PRKG1: variants seen among roughly 807,000 people sequenced by gnomAD.
PRKG1 encodes the protein protein kinase cGMP-dependent 1, also known as cGMP-dependent protein kinase 1.
Under a neutral mutation model 88.1 loss-of-function variants are expected in PRKG1, and 35 were observed. The observed-to-expected ratio is 0.40, with a 90% CI of 0.30 to 0.53. PRKG1 has a LOEUF of 0.53. PRKG1 is among the 20% of genes least tolerant of loss of function. The pLI, the probability that PRKG1 is intolerant of heterozygous loss-of-function variation, is 0.59. For synonymous variants in PRKG1, 303 were observed against 292.5 expected, an observed-to-expected ratio of 1.04 and a Z score of -0.37; for missense variants, 540 against 839.8, an observed-to-expected ratio of 0.64 and a Z score of 4.41.
intron 7 of PRKG1, among the ~76,000 whole-genome samples, chr10:52,076,063 A>G (rs1171776757): frequency 6.6e-6 from 1 of 152,236 alleles, no homozygotes; most frequent in East Asian, 1.9e-4. Context: ...ATTTTCCACA[A>G]ATGATGTTGA....
chr10:51,556,975 C>T (rs1456903838), intron 3 of PRKG1, among the ~76,000 whole-genome samples: 1 of 151,952 alleles, frequency 6.6e-6, no homozygotes, highest in Admixed American at 6.6e-5. Flanking sequence ...TGTTTTCTTT[C>T]TATGTGTCTA....
At position 52,297,427 on chromosome 10, in the gene PRKG1, C is replaced by T. The variant is rs1459965147; in HGVS notation, c.*3527C>T. On this transcript the variant is annotated 3_prime_UTR_variant, in exon 18 of 18. Transcript: ENST00000373980. The stretch of plus-strand genomic sequence containing the variant: ...TGCTGCATGACAAAGACAAACACAC[C>T]TCAAAATGTTGTCCTTTCTTAGCTT... 2 of 152,004 alleles carry T rather than the reference C, an allele frequency of 1.3e-5. No homozygotes were observed. Among genetic ancestry groups the T allele is most frequent in the Non-Finnish European group, 2.9e-5 (2 of 67,972 alleles). The allele number at this position is 152,004 out of a possible 1,614,324, so 9.4% of individuals were successfully genotyped here.
chr10:51,688,565 C>CTTTT (rs35034840), intron 3 of PRKG1, among the ~76,000 whole-genome samples: 31 of 123,692 alleles, frequency 2.5e-4, no homozygotes, highest in Admixed American at 1.3e-3. Context: ...AGTAACAATC[C>CTTTT]TTTTTTTTTT....
At chr10:51,968,226 G>A (rs1177781275) in intron 5 of PRKG1, among the ~76,000 whole-genome samples, 1 of 152,090 alleles carries the variant, frequency 6.6e-6, no homozygotes, top group Non-Finnish European at 1.5e-5. Context: ...AGATGGACAG[G>A]CACTGCTCTA....
At chr10:51,187,998 T>G (rs1564631855) in intron 2 of PRKG1, among the ~76,000 whole-genome samples, 1 of 152,168 alleles carries the variant, frequency 6.6e-6, no homozygotes, top group Middle Eastern at 3.4e-3. Flanking sequence ...ATTGGCACAA[T>G]GCTTTCATGT....
chr10:51,130,473 G>A (rs887963798), intron 1 of PRKG1, among the ~76,000 whole-genome samples: 5 of 151,968 alleles, frequency 3.3e-5, no homozygotes, highest in African/African-American at 1.2e-4. Flanking sequence ...TTCTTGGTCT[G>A]CTCATTTACT....
intron 7 of PRKG1, among the ~76,000 whole-genome samples, chr10:52,075,526 G>A (rs550642166): frequency 8.6e-4 from 131 of 152,350 alleles, no homozygotes; most frequent in Non-Finnish European, 1.3e-3. Context: ...AGCCAAGGCA[G>A]TGTGGTATTG....
At chr10:52,188,284 ATATGTGTATATATATATG>A (rs1839266010) in intron 9 of PRKG1, among the ~76,000 whole-genome samples, 2 of 25,008 alleles carry the variant, frequency 8.0e-5, no homozygotes, top group Admixed American at 3.3e-4. Context: ...ATATACATAT[ATATGTGTATATATATATG>A]TATATATATA....
intron 9 of PRKG1, among the ~76,000 whole-genome samples, chr10:52,243,269 TA>T (rs960389469): frequency 2.6e-4 from 40 of 152,250 alleles, no homozygotes; most frequent in Non-Finnish European, 1.5e-4. Context: ...ATATATTTTA[TA>T]ACTTTTACAT....
intron 2 of PRKG1, among the ~76,000 whole-genome samples, chr10:51,235,989 C>T (rs1288029148): frequency 6.6e-6 from 1 of 152,180 alleles, no homozygotes; most frequent in Non-Finnish European, 1.5e-5. Context: ...AAACAGATTG[C>T]TGGTCCCGCC....
intron 4 of PRKG1, among the ~76,000 whole-genome samples, chr10:51,865,150 T>C (rs1840981872): frequency 6.6e-6 from 1 of 152,158 alleles, no homozygotes; most frequent in Non-Finnish European, 1.5e-5. Context: ...CTTCAAAATC[T>C]AATCATTAAA....
intron 2 of PRKG1, among the ~76,000 whole-genome samples, chr10:51,208,780 G>A (rs1055375241): frequency 7.2e-5 from 11 of 152,096 alleles, no homozygotes; most frequent in African/African-American, 2.7e-4. Flanking sequence ...TTTGACATGT[G>A]TTAGTATTTT....
rs190975777 is a variant in PRKG1 at position 51,831,387 on chromosome 10, T to A, written c.698+26697T>A. ...CAATGCTAACCCCAGAAAAAAAAAATCACTGGTAACATTCTGGTCTATTTT... is the reference window on the plus strand; with the variant it reads ...CAATGCTAACCCCAGAAAAAAAAAAACACTGGTAACATTCTGGTCTATTTT... On this transcript the variant is annotated intron_variant, in intron 4 of 17. Transcript: ENST00000373980. Among the ~76,000 whole-genome samples the A allele has an allele frequency of 7.1e-3, 1,021 of 144,204 alleles. 7 individuals are homozygous for A. Among genetic ancestry groups the A allele is most frequent in the African/African-American group, 0.026 (949 of 36,180 alleles). 94.6% of individuals were successfully genotyped at this position (144,204 alleles called of 152,430 possible).
chr10:51,478,990 C>G (rs2132841901), intron 3 of PRKG1, among the ~76,000 whole-genome samples: 1 of 152,046 alleles, frequency 6.6e-6, no homozygotes, highest in East Asian at 1.9e-4. Context: ...TGTTTTGGGA[C>G]TCTGTTTAAA....
At chr10:52,104,872 T>C (rs1847377943) in intron 7 of PRKG1, among the ~76,000 whole-genome samples, 1 of 152,214 alleles carries the variant, frequency 6.6e-6, no homozygotes, top group Non-Finnish European at 1.5e-5. Context: ...ATCTTTTGAT[T>C]TTTCACAATC....
intron 2 of PRKG1, among the ~76,000 whole-genome samples, chr10:51,409,534 C>T (rs1489660449): frequency 6.6e-6 from 1 of 151,922 alleles, no homozygotes; most frequent in African/African-American, 2.4e-5. Flanking sequence ...CCACCAAAGC[C>T]CAGTGACAGG....
At chr10:51,111,306 A>G (rs1427020458) in intron 1 of PRKG1, among the ~76,000 whole-genome samples, 2 of 152,152 alleles carry the variant, frequency 1.3e-5, no homozygotes, top group Non-Finnish European at 2.9e-5. Context: ...TAGTAGATTT[A>G]TATATTTATG....
chr10:51,768,441 A>G (rs1307386671), intron 3 of PRKG1, among the ~76,000 whole-genome samples: 1 of 152,128 alleles, frequency 6.6e-6, no homozygotes, highest in African/African-American at 2.4e-5. Context: ...TTTTATAGAG[A>G]CCACACATAG....
intron 3 of PRKG1, among the ~76,000 whole-genome samples, chr10:51,586,864 G>A (rs750787050): frequency 4.6e-5 from 7 of 151,978 alleles, no homozygotes; most frequent in Non-Finnish European, 1.0e-4. Flanking sequence ...AGCTGTTCCT[G>A]GTATGAGGAA....
Sources: allele counts gnomAD v4.1 joint callset (sites outside exome capture counted in the v4.1 genomes callset), GRCh38; gene constraint gnomAD v4.1.1; transcripts MANE v1.5; gene names NCBI Gene and HGNC (gene_info 2026-07-23, HGNC 2026-07-21).